The following RBMS3 variants were observed in gnomAD, a reference collection of about 807,000 sequenced individuals.
RBMS3 encodes the protein RNA-binding motif, single-stranded-interacting protein 3.
A neutral mutation model predicts 66.8 loss-of-function variants in RBMS3; 27 were observed. The observed-to-expected ratio is 0.40, with a 90% CI of 0.30 to 0.56. The LOEUF is 0.56. RBMS3 is among the 20% of genes least tolerant of loss of function. The pLI, the probability that RBMS3 is intolerant of heterozygous loss-of-function variation, is 0.40. For missense variants in RBMS3, 513 were observed against 549.5 expected (o/e 0.93, Z 0.66); for synonymous variants, 188 against 183.0 (o/e 1.03, Z -0.22).
At chr3:29,908,861 C>T (rs951012573) in intron 10 of RBMS3, among the ~76,000 whole-genome samples, 1 of 151,856 alleles carries the variant, frequency 6.6e-6, no homozygotes, top group Non-Finnish European at 1.5e-5. Context: ...ATTATATGCT[C>T]AGGATAATTT....
At chr3:29,328,846 G>A (rs952129263) in intron 1 of RBMS3, among the ~76,000 whole-genome samples, 1 of 151,966 alleles carries the variant, frequency 6.6e-6, no homozygotes, top group African/African-American at 2.4e-5. Context: ...TAAAGCTGAG[G>A]GCAGTCTTCA....
intron 1 of RBMS3, among the ~76,000 whole-genome samples, chr3:29,307,289 A>C (rs990157896): frequency 6.6e-6 from 1 of 151,924 alleles, no homozygotes; most frequent in African/African-American, 2.4e-5. Context: ...GGAAGATCCA[A>C]CTTTCTCCAA....
At chr3:29,612,392 A>G (rs2048522123) in intron 4 of RBMS3, among the ~76,000 whole-genome samples, 1 of 152,074 alleles carries the variant, frequency 6.6e-6, no homozygotes, top group Non-Finnish European at 1.5e-5. Context: ...GTCATAATTT[A>G]ATTATGAGCC....
intron 2 of RBMS3, among the ~76,000 whole-genome samples, chr3:29,479,422 A>C (rs976807152): frequency 2.0e-5 from 3 of 151,944 alleles, no homozygotes; most frequent in Non-Finnish European, 2.9e-5. Flanking sequence ...AAAGATGTTC[A>C]TGGAGGCTTA....
intron 4 of RBMS3, among the ~76,000 whole-genome samples, chr3:29,697,523 C>T (rs933089337): frequency 6.6e-6 from 1 of 152,188 alleles, no homozygotes. Context: ...ATCTAATATT[C>T]TGCTTTTCAA....
intron 3 of RBMS3, among the ~76,000 whole-genome samples, chr3:29,497,919 T>C (rs976329382): frequency 5.5e-5 from 8 of 145,264 alleles, no homozygotes; most frequent in Admixed American, 4.3e-4. Flanking sequence ...ACAGGAAGAG[T>C]ACCAAAGACA....
intron 6 of RBMS3, among the ~76,000 whole-genome samples, chr3:29,820,396 T>C (rs1024242459): frequency 2.0e-5 from 3 of 151,932 alleles, no homozygotes; most frequent in Non-Finnish European, 4.4e-5. Flanking sequence ...AGATTTGATC[T>C]ATTAATTAGA....
At chr3:29,354,302 A>T (rs1034976946) in intron 1 of RBMS3, among the ~76,000 whole-genome samples, 2 of 152,144 alleles carry the variant, frequency 1.3e-5, no homozygotes, top group East Asian at 3.8e-4. Context: ...ATTAATTTCC[A>T]CAAGTATTTT....
At chr3:29,397,075 C>T (rs952666206) in intron 1 of RBMS3, among the ~76,000 whole-genome samples, 5 of 152,124 alleles carry the variant, frequency 3.3e-5, no homozygotes, top group Non-Finnish European at 7.4e-5. Context: ...GTCTGTGCCT[C>T]GTATGTGTTA....
At chr3:29,469,732 A>G (rs2042657588) in intron 2 of RBMS3, among the ~76,000 whole-genome samples, 1 of 151,438 alleles carries the variant, frequency 6.6e-6, no homozygotes, top group African/African-American at 2.4e-5. Context: ...TTGCAGAGGG[A>G]TATTTTATTA....
At position 29,920,451 on chromosome 3, in the gene RBMS3, G is replaced by A. The variant is rs558528961; in HGVS notation, c.940-15635G>A. ...TTCCAAAGCCACAGGTAAATAAAAA[G>A]TTTTCTGTTTTTCTGAAATTTTTGC... is the stretch of plus-strand genomic sequence containing the variant. On this transcript the variant is annotated intron_variant, in intron 10 of 14. Transcript: ENST00000383767. 2.6e-5 allele frequency among the ~76,000 whole-genome samples: 4 copies of A among 152,196 alleles called. No homozygotes were observed. The South Asian group carries it at 8.3e-4, about 32-fold the overall frequency.
intron 1 of RBMS3, among the ~76,000 whole-genome samples, chr3:29,283,678 C>A (rs554352293): frequency 6.6e-6 from 1 of 152,192 alleles, no homozygotes; most frequent in Non-Finnish European, 1.5e-5. Flanking sequence ...ATCCATTAGG[C>A]GTCCTATGTT....
At chr3:29,726,628 C>A (rs558748393) in intron 4 of RBMS3, among the ~76,000 whole-genome samples, 4 of 152,094 alleles carry the variant, frequency 2.6e-5, no homozygotes, top group African/African-American at 7.2e-5. Flanking sequence ...GAATAAAATA[C>A]CTAGGAATAC....
chr3:29,418,784 T>C (rs906165022), intron 1 of RBMS3, among the ~76,000 whole-genome samples: 1 of 152,178 alleles, frequency 6.6e-6, no homozygotes, highest in Admixed American at 6.5e-5. Context: ...CTTAATTCAT[T>C]TGAGTAAAAG....
At chr3:29,832,882 C>CAGCT (rs780550736) in intron 6 of RBMS3, among the ~76,000 whole-genome samples, 7 of 152,270 alleles carry the variant, frequency 4.6e-5, no homozygotes, top group East Asian at 1.9e-4. Context: ...CCCTCCAAGC[C>CAGCT]AGCTCCCTTA....
intron 14 of RBMS3, chr3:29,991,485 G>A (rs1698870971): frequency 4.9e-6 from 2 of 408,312 alleles, no homozygotes; most frequent in South Asian, 5.4e-5. Flanking sequence ...TGTGATGGAA[G>A]TGACTAGGCC....
At chr3:29,722,134 A>G (rs2149322245) in intron 4 of RBMS3, among the ~76,000 whole-genome samples, 1 of 152,328 alleles carries the variant, frequency 6.6e-6, no homozygotes, top group South Asian at 2.1e-4. Flanking sequence ...CTTATGAGGA[A>G]TACTTTTATA....
At chr3:29,902,621 T>G (rs2060283220) in intron 10 of RBMS3, among the ~76,000 whole-genome samples, 1 of 151,942 alleles carries the variant, frequency 6.6e-6, no homozygotes, top group South Asian at 2.1e-4. Flanking sequence ...AAATTCAAGG[T>G]GTCAAAATCT....
chr3:29,470,090 AAATAT>A (rs1342203387), intron 2 of RBMS3, among the ~76,000 whole-genome samples: 1 of 149,780 alleles, frequency 6.7e-6, no homozygotes, highest in East Asian at 1.9e-4. Context: ...AAATATACTG[AAATAT>A]AATAAATTAT....
Sources: gnomAD v4.1 joint callset for allele counts (sites outside exome capture counted in the v4.1 genomes callset) on GRCh38, gnomAD v4.1.1 for gene constraint, MANE v1.5 for transcripts, NCBI Gene and HGNC (gene_info 2026-07-23, HGNC 2026-07-21) for gene names.